ADAMTS19: variants seen among roughly 807,000 people sequenced by gnomAD.
ADAMTS19 encodes the protein A disintegrin and metalloproteinase with thrombospondin motifs 19.
ADAMTS19 carries 93 observed loss-of-function variants against 153.3 expected under a neutral mutation model. That is an observed-to-expected ratio of 0.61 (90% CI 0.51 to 0.72). The LOEUF is 0.72. Ranked by LOEUF, ADAMTS19 falls within the 30% of genes least tolerant of loss-of-function variation. ADAMTS19 has a pLI of 0.00. For missense variants in ADAMTS19, 1,482 were observed against 1,552.1 expected, an observed-to-expected ratio of 0.95 and a Z score of 0.76; for synonymous variants, 600 against 556.6, an observed-to-expected ratio of 1.08 and a Z score of -1.10.
In ADAMTS19 at chr5:129,514,750, T is replaced by C. The variant is rs1751543985; in HGVS notation, c.913+5508T>C. Among the ~76,000 whole-genome samples the C allele has an allele frequency of 3.3e-5, 5 of 152,166 alleles. No homozygotes were observed. In the South Asian group the frequency reaches 1.0e-3, roughly 31 times the overall value. On this transcript the variant is annotated intron_variant, in intron 3 of 22. Coordinates refer to ENST00000274487, the MANE Select transcript of ADAMTS19 (RefSeq NM_133638.6). ...CCCATTCTGTGGGTTGTCTCCACTT[T>C]GTTAATTGTATCCTTTGCCGTGCAG...
rs750412009 is a variant in ADAMTS19 at position 129,641,932 on chromosome 5, T to G, written c.1844T>G (p.Met615Arg). 6.2e-7 allele frequency: 1 copy of G among 1,600,988 alleles called. No individual in the cohort carries two copies. The highest frequency in any genetic ancestry group is 8.5e-7 in the Non-Finnish European group (1 of 1,172,316). Residue 615 changes from methionine to arginine, a missense_variant, in exon 11 of 23, where the codon ATG becomes AGG. This residue lies in a region of ADAMTS19 where 866 missense variants were observed against 827.7 expected (regional missense o/e 1.05). Coordinates refer to ENST00000274487, the MANE Select transcript of ADAMTS19 (RefSeq NM_133638.6). ...KECRTKLDPP[M>R]DGTDCDLGKW... ...TGCAGAACCAAGCTAGACCCACCAA[T>G]GGATGGAACTGACTGTGACCTTGGT...
intron 16 of ADAMTS19, among the ~76,000 whole-genome samples, chr5:129,669,020 G>A (rs184082513): frequency 0.015 from 2,223 of 151,890 alleles, 47 homozygotes; most frequent in African/African-American, 0.051. Context: ...AAAACAGTAC[G>A]ATCCTGGCAT....
Position 129,594,976 on chromosome 5 carries a change from CT to C in ADAMTS19, c.1373-1582del, listed in dbSNP as rs571110761. On this transcript the variant is annotated intron_variant, in intron 7 of 22. Coordinates refer to ENST00000274487, the MANE Select transcript of ADAMTS19 (RefSeq NM_133638.6). Reference sequence around the variant, plus strand: ...CCCATTCATTAAGAAGTCATTTCATCTGTTTGTAGATGATAAATTTCTATAA... The same window carrying C: ...CCCATTCATTAAGAAGTCATTTCATCGTTTGTAGATGATAAATTTCTATAA... 2.2e-4 allele frequency among the ~76,000 whole-genome samples: 33 copies of C among 152,132 alleles called. No homozygotes were observed. In the East Asian group the frequency reaches 6.4e-3, roughly 29 times the overall value.
At chr5:129,628,333 G>GA (rs1752145685) in intron 10 of ADAMTS19, among the ~76,000 whole-genome samples, 1 of 151,682 alleles carries the variant, frequency 6.6e-6, no homozygotes, top group South Asian at 2.1e-4. Context: ...GAGAGGATCA[G>GA]AAAAAAATAA....
intron 14 of ADAMTS19, among the ~76,000 whole-genome samples, chr5:129,658,341 G>T (rs1753658625): frequency 6.8e-6 from 1 of 146,398 alleles, no homozygotes; most frequent in Non-Finnish European, 1.5e-5. Context: ...AAGAAAGAAA[G>T]AAAGAAAGAA....
At position 129,632,358 on chromosome 5, in the gene ADAMTS19, T is replaced by G. The variant is rs564591407; in HGVS notation, c.1771-9501T>G. 4.5e-4 allele frequency among the ~76,000 whole-genome samples: 68 copies of G among 151,852 alleles called. No individual in the cohort carries two copies. The South Asian group carries it at 4.8e-3, about 11-fold the overall frequency. ...GTACTATAGTCATGATATATATATA[T>G]AGATATAGATATAATATAGCATCTG... On this transcript the variant is annotated intron_variant, in intron 10 of 22. Transcript: ENST00000274487.
chr5:129,595,888 G>A (rs62399016), intron 7 of ADAMTS19, among the ~76,000 whole-genome samples: 2 of 151,780 alleles, frequency 1.3e-5, no homozygotes, highest in Non-Finnish European at 1.5e-5. Flanking sequence ...AGAATATCAA[G>A]GAGTTTAAAT....
chr5:129,524,948 G>A (rs972415680), intron 3 of ADAMTS19, among the ~76,000 whole-genome samples: 9 of 152,024 alleles, frequency 5.9e-5, no homozygotes, highest in Admixed American at 1.3e-4. Context: ...GCCTCTTTTC[G>A]TCAGTATTAT....
At chr5:129,467,752 C>T (rs1749917868) in intron 2 of ADAMTS19, among the ~76,000 whole-genome samples, 1 of 152,180 alleles carries the variant, frequency 6.6e-6, no homozygotes, top group Non-Finnish European at 1.5e-5. Context: ...ATTATAAGGA[C>T]TCAGGTGTTA....
Position 129,460,419 on chromosome 5 carries a change from A to G in ADAMTS19, c.28A>G (p.Thr10Ala). MGKNREMRL[T>A]HICCCCLLYQ... ...GGGGAAGAACCGCGAGATGCGCCTG[A>G]CTCACATCTGCTGCTGCTGCCTCCT... Residue 10 changes from threonine to alanine, a missense_variant, in exon 1 of 23, where the codon ACT becomes GCT. Coordinates refer to ENST00000274487, the MANE Select transcript of ADAMTS19 (RefSeq NM_133638.6). 6.2e-7 allele frequency: 1 copy of G among 1,613,994 alleles called. No individual in the cohort carries two copies. The highest frequency in any genetic ancestry group is 8.5e-7 in the Non-Finnish European group (1 of 1,179,998).
At chr5:129,509,053 A>T in intron 2 of ADAMTS19, 24 bp from the exon 3 acceptor site, 1 of 1,515,322 alleles carries the variant, frequency 6.6e-7, no homozygotes, top group African/African-American at 1.4e-5. Flanking sequence ...TTTCTTACAT[A>T]TCTTTTTGTG....
At chr5:129,665,009 A>T (rs1258683113) in intron 15 of ADAMTS19, among the ~76,000 whole-genome samples, 2 of 152,126 alleles carry the variant, frequency 1.3e-5, no homozygotes, top group Non-Finnish European at 2.9e-5. Flanking sequence ...CCCTTTGTTA[A>T]TATCCTCCAG....
intron 2 of ADAMTS19, among the ~76,000 whole-genome samples, chr5:129,471,685 T>C (rs113416962): frequency 0.19 from 28,289 of 152,038 alleles, 4,174 homozygotes; most frequent in African/African-American, 0.41. Flanking sequence ...AGTTATTTTT[T>C]CTTATCCTTT....
chr5:129,567,899 A>G (rs1346355970), intron 7 of ADAMTS19, among the ~76,000 whole-genome samples: 1 of 152,184 alleles, frequency 6.6e-6, no homozygotes, highest in East Asian at 1.9e-4. Flanking sequence ...CTAAAGACGA[A>G]CTAAAAATGA....
At chr5:129,569,613 C>T (rs1452712918) in intron 7 of ADAMTS19, among the ~76,000 whole-genome samples, 1 of 151,980 alleles carries the variant, frequency 6.6e-6, no homozygotes, top group African/African-American at 2.4e-5. Flanking sequence ...TTAAATCAAA[C>T]AAAGTATATT....
At chr5:129,531,176 TTAAA>T (rs1752190255) in intron 6 of ADAMTS19, among the ~76,000 whole-genome samples, 1 of 152,222 alleles carries the variant, frequency 6.6e-6, no homozygotes, top group Non-Finnish European at 1.5e-5. Flanking sequence ...CTAAATATTA[TTAAA>T]TGTCAGTTTT....
rs748406207 is a variant in ADAMTS19 at position 129,711,160 on chromosome 5, A to G, written c.3312+6769A>G. 3.3e-4 allele frequency among the ~76,000 whole-genome samples: 51 copies of G among 152,346 alleles called. 2 individuals carry two copies. Among genetic ancestry groups the G allele is most frequent in the Non-Finnish European group, 3.7e-4 (25 of 68,038 alleles). Reference sequence around the variant, plus strand: ...AAACTCAATCCCTTGTTGAAAGGATACTTATTTAAATTTAAGGGAATAATT... The same window carrying G: ...AAACTCAATCCCTTGTTGAAAGGATGCTTATTTAAATTTAAGGGAATAATT... On this transcript the variant is annotated intron_variant, in intron 21 of 22. Transcript: ENST00000274487.
At chr5:129,736,860 T>C (rs1157737934) in intron 22 of ADAMTS19, among the ~76,000 whole-genome samples, 1 of 152,088 alleles carries the variant, frequency 6.6e-6, no homozygotes, top group Non-Finnish European at 1.5e-5. Flanking sequence ...TAAAAACATT[T>C]ATAAGTAAAA....
chr5:129,737,180 A>C lies in ADAMTS19; in HGVS notation c.3604A>C (p.Arg1202=). 6.2e-7 allele frequency: 1 copy of C among 1,609,226 alleles called. No homozygotes were observed. The part of the protein sequence containing the change: ...RWYQRCCETC[R]DFYAQKLQQK... ...GTATCAGCGCTGCTGTGAAACATGC[A>C]GGGACTTCTATGCCCAAAAGCTGCA... Residue 1202 remains arginine (R), a synonymous_variant, in exon 23 of 23, where the codon AGG becomes CGG. Coordinates refer to ENST00000274487, the MANE Select transcript of ADAMTS19 (RefSeq NM_133638.6).
Sources: gnomAD v4.1 joint callset for allele counts (sites outside exome capture counted in the v4.1 genomes callset) on GRCh38, gnomAD v4.1.1 for gene constraint, gnomAD v4.1.1 regional missense constraint, MANE v1.5 for transcripts, NCBI Gene and HGNC (gene_info 2026-07-23, HGNC 2026-07-21) for gene names.